Variants in ACSM4 observed in about 807,000 individuals in gnomAD.
ACSM4 encodes the protein acyl-coenzyme A synthetase ACSM4, mitochondrial.
Under a neutral mutation model 73.0 loss-of-function variants are expected in ACSM4, and 66 were observed. The ratio of observed to expected loss-of-function variants is 0.90; its 90% CI spans 0.74 to 1.11. The LOEUF (loss-of-function observed/expected upper bound fraction) is 1.11. Among genes scored for constraint, ACSM4 ranks in the 50% least tolerant of loss-of-function variants. The pLI, the probability that ACSM4 is intolerant of heterozygous loss-of-function variation, is 0.00. For synonymous variants in ACSM4, 222 were observed against 254.0 expected, an observed-to-expected ratio of 0.87 and a Z score of 1.20; for missense variants, 645 against 714.4, an observed-to-expected ratio of 0.90 and a Z score of 1.11.
intron 5 of ACSM4, chr12:7,318,390 C>G: frequency 1.9e-6 from 1 of 540,182 alleles, no homozygotes; most frequent in Non-Finnish European, 3.1e-6. Context: ...GGCAGGAAAT[C>G]CAGACTTCTG....
intron 11 of ACSM4, among the ~76,000 whole-genome samples, chr12:7,325,011 A>G (rs1389959204): frequency 6.6e-6 from 1 of 152,170 alleles, no homozygotes; most frequent in Non-Finnish European, 1.5e-5. Context: ...CTCCAGGTGT[A>G]TACACCTTAG....
intron 5 of ACSM4, among the ~76,000 whole-genome samples, chr12:7,319,852 G>A (rs1020308145): frequency 1.3e-5 from 2 of 152,152 alleles, no homozygotes; most frequent in African/African-American, 4.8e-5. Context: ...TGTAAAATAA[G>A]AATACTTTTA....
In ACSM4 at chr12:7,324,593, G is replaced by A. The variant is rs753292073; in HGVS notation, c.1531G>A (p.Gly511Arg). The A allele has an allele frequency of 2.6e-5, 42 of 1,613,674 alleles. No individual in the cohort carries two copies. Among genetic ancestry groups the A allele is most frequent in the Middle Eastern group, 1.6e-4 (1 of 6,082 alleles). The stretch of plus-strand genomic sequence containing the variant: ...TGTCAGTAGTCCAGATCAAATCCGC[G>A]GAGAGGTAGATGAATGTCATTTATT... Reference protein sequence around the residue: ...AVVSSPDQIRGEVVKAFVVLA... With the variant: ...AVVSSPDQIRREVVKAFVVLA... Residue 511 changes from glycine (G) to arginine (R), a missense_variant, in exon 11 of 13, where the codon GGA (glycine) becomes AGA (arginine). By Grantham distance (125) the Gly-to-Arg change is moderately radical (BLOSUM62 -2). Coordinates refer to ENST00000399422, the MANE Select transcript of ACSM4 (RefSeq NM_001080454.2).
chr12:7,328,621 AAT>A lies in ACSM4; in HGVS notation c.*250_*251del. The A allele has an allele frequency of 4.1e-6, 1 of 242,480 alleles. No individual in the cohort carries two copies. The highest frequency in any genetic ancestry group is 8.0e-6 in the Non-Finnish European group (1 of 124,238). 15.0% of individuals were successfully genotyped at this position (242,480 alleles called of 1,614,324 possible). The stretch of plus-strand genomic sequence containing the variant: ...AATGATGATGATTTGTAGTGTTTAA[AAT>A]AGCAGGAATAAAATGATTGCTTAGA... On this transcript the variant is annotated 3_prime_UTR_variant, in exon 13 of 13. Coordinates refer to ENST00000399422, the MANE Select transcript of ACSM4 (RefSeq NM_001080454.2).
chr12:7,310,579 A>G lies in ACSM4; in HGVS notation c.453A>G (p.Lys151=). 6.2e-7 allele frequency: 1 copy of G among 1,611,534 alleles called. No individual in the cohort carries two copies. Residue 151 remains lysine (K), a synonymous_variant, in exon 3 of 13, where the codon AAA becomes AAG. Transcript: ENST00000399422. ...CGGGAACAATCCAGCTGACAGCAAA[A>G]GACATCCTCTACCGGCTGCGAGCAT... ...FMPGTIQLTA[K]DILYRLRASK...
At chr12:7,311,204 G>T (rs1946388510) in intron 3 of ACSM4, among the ~76,000 whole-genome samples, 1 of 151,740 alleles carries the variant, frequency 6.6e-6, no homozygotes, top group South Asian at 2.1e-4. Flanking sequence ...TAAAAGAAAA[G>T]AAAAAGAAAA....
intron 9 of ACSM4, among the ~76,000 whole-genome samples, chr12:7,324,051 G>A (rs1322669836): frequency 6.6e-6 from 1 of 151,916 alleles, no homozygotes; most frequent in African/African-American, 2.4e-5. Context: ...TGTGGCACAT[G>A]TCTGTGGTCC....
rs753517019 is a variant in ACSM4, at chr12:7,324,482, C to T, written c.1437-17C>T. 7.4e-6 allele frequency: 12 copies of T among 1,613,890 alleles called. No individual in the cohort carries two copies. In the South Asian group the frequency reaches 1.2e-4, roughly 16 times the overall value. ...ACTTGGAGGATGTGGTGGTCAAAAA[C>T]TTCTTTTCCTCTTCAGGTACCGTAT... On this transcript the variant is annotated splice_polypyrimidine_tract_variant and intron_variant, in intron 10 of 12. Transcript: ENST00000399422.
chr12:7,310,396 G>T (rs919978264), intron 2 of ACSM4, 143 bp from the exon 3 acceptor site: 37 of 765,358 alleles, frequency 4.8e-5, no homozygotes, highest in Non-Finnish European at 7.4e-5. Context: ...AGGGTCCTGT[G>T]CAATATCCTT....
chr12:7,327,525 G>T (rs1371067396), intron 12 of ACSM4, among the ~76,000 whole-genome samples: 1 of 152,142 alleles, frequency 6.6e-6, no homozygotes, highest in Non-Finnish European at 1.5e-5. Flanking sequence ...GATATCCAAA[G>T]AAACTATGGA....
In ACSM4 at chr12:7,306,643, G is replaced by T. The variant is rs1946363831; in HGVS notation, c.312G>T (p.Val104=). The T allele has an allele frequency of 6.2e-7, 1 of 1,608,924 alleles. No homozygotes were observed. The highest frequency in any genetic ancestry group is 1.1e-5 in the South Asian group (1 of 89,746). Residue 104 remains valine (V), a synonymous_variant, in exon 2 of 13, where the codon GTG becomes GTT. Transcript: ENST00000399422. The stretch of plus-strand genomic sequence containing the variant: ...CCTTGTCCCGAAAAGCTGCCAACGT[G>T]CTCACCAAGCCCTGTGGCCTGCAGA... ...LGSLSRKAAN[V]LTKPCGLQRG...
chr12:7,312,884 T>C (rs185053964), intron 3 of ACSM4, among the ~76,000 whole-genome samples: 1 of 152,206 alleles, frequency 6.6e-6, no homozygotes, highest in African/African-American at 2.4e-5. Flanking sequence ...TTTATATTAT[T>C]TGAATATGCA....
At position 7,328,445 on chromosome 12, in the gene ACSM4, C is replaced by T. The variant is rs914852088; in HGVS notation, c.*72C>T. 3.3e-5 allele frequency: 38 copies of T among 1,158,844 alleles called. No individual in the cohort carries two copies. The highest frequency in any genetic ancestry group is 4.1e-5 in the Non-Finnish European group (35 of 844,704). 71.8% of individuals were successfully genotyped at this position (1,158,844 alleles called of 1,614,324 possible). A position where few individuals can be genotyped will look rare whatever the true frequency, so the allele number is the denominator to read the frequency against. On this transcript the variant is annotated 3_prime_UTR_variant, in exon 13 of 13. Coordinates refer to ENST00000399422, the MANE Select transcript of ACSM4 (RefSeq NM_001080454.2). ...TTTAGTATTTGTTCCGATAATTCAGCGACTACTCTCTTAAAATGTTTAAGA... is the reference window on the plus strand; with the variant it reads ...TTTAGTATTTGTTCCGATAATTCAGTGACTACTCTCTTAAAATGTTTAAGA...
At chr12:7,317,337 G>A (rs778702072) in intron 4 of ACSM4, 57 bp downstream of exon 4, 124 of 1,491,134 alleles carry the variant, frequency 8.3e-5, no homozygotes, top group South Asian at 5.5e-4. Context: ...GCGAATATGC[G>A]TATCCAACTA....
At chr12:7,323,772 G>A (rs775017131) in intron 9 of ACSM4, among the ~76,000 whole-genome samples, 19 of 152,268 alleles carry the variant, frequency 1.2e-4, no homozygotes, top group South Asian at 6.2e-4. Flanking sequence ...AAGGAAAACC[G>A]GACAGGCTGG....
intron 5 of ACSM4, 80 bp from the exon 6 acceptor site, chr12:7,320,645 A>G (rs1362093554): frequency 3.5e-5 from 42 of 1,207,972 alleles, no homozygotes; most frequent in Non-Finnish European, 4.6e-5. Flanking sequence ...ATGGAAGAAA[A>G]TAACAGGGTG....
At chr12:7,307,539 C>A (rs987900857) in intron 2 of ACSM4, among the ~76,000 whole-genome samples, 4 of 152,056 alleles carry the variant, frequency 2.6e-5, no homozygotes, top group African/African-American at 4.8e-5. Context: ...TTGGCACATC[C>A]CAGTTGAAAA....
chr12:7,319,646 A>G (rs1357454310), intron 5 of ACSM4, among the ~76,000 whole-genome samples: 1 of 151,358 alleles, frequency 6.6e-6, no homozygotes, highest in Non-Finnish European at 1.5e-5. Context: ...TTGCCCCGCC[A>G]CTCACCTCCT....
Position 7,323,296 on chromosome 12 carries a change from G to A in ACSM4, c.1188G>A (p.Met396Ile). The A allele has an allele frequency of 6.2e-7, 1 of 1,611,014 alleles. No homozygotes were observed. The highest frequency in any genetic ancestry group is 8.5e-7 in the Non-Finnish European group (1 of 1,178,666). ...AACCAGGTTCAATGGGGAAAGGAAT[G>A]CTGCCCTATGATGTCCAGGTAGGTT... Reference protein sequence around the residue: ...EIKPGSMGKGMLPYDVQIIDE... With the variant: ...EIKPGSMGKGILPYDVQIIDE... Residue 396 changes from methionine (M) to isoleucine (I), a missense_variant, in exon 8 of 13, where the codon ATG becomes ATA. Physicochemically the swap from Met to Ile is conservative, Grantham distance 10. Coordinates refer to ENST00000399422, the MANE Select transcript of ACSM4 (RefSeq NM_001080454.2).
Sources: gnomAD v4.1 joint callset for allele counts (sites outside exome capture counted in the v4.1 genomes callset) on GRCh38, gnomAD v4.1.1 for gene constraint, MANE v1.5 for transcripts, NCBI Gene and HGNC (gene_info 2026-07-23, HGNC 2026-07-21) for gene names.